Variants in BNC2 observed in about 807,000 individuals in gnomAD.
The protein encoded by BNC2 is zinc finger protein basonuclin-2.
In BNC2, 20 loss-of-function variants were observed where a neutral mutation model predicts 76.3. The observed-to-expected ratio is 0.26, with a 90% CI of 0.18 to 0.38. BNC2 has a LOEUF of 0.38. Among genes scored for constraint, BNC2 ranks in the 10% least tolerant of loss-of-function variants. BNC2 has a pLI of 1.00. For synonymous variants in BNC2, 582 were observed against 514.8 expected, an observed-to-expected ratio of 1.13 and a Z score of -1.77; for missense variants, 1,382 against 1,399.8, an observed-to-expected ratio of 0.99 and a Z score of 0.20.
intron 3 of BNC2, among the ~76,000 whole-genome samples, chr9:16,658,537 T>A (rs949648587): frequency 1.3e-5 from 2 of 152,014 alleles, no homozygotes; most frequent in African/African-American, 4.8e-5. Flanking sequence ...TTCCTTAATA[T>A]TTTTTTTCCC....
chr9:16,766,068 T>G (rs954326003), intron 1 of BNC2, among the ~76,000 whole-genome samples: 5 of 152,194 alleles, frequency 3.3e-5, no homozygotes, highest in Admixed American at 3.3e-4. Context: ...ATTACAGGCG[T>G]GAGCCACCGC....
chr9:16,665,889 T>C (rs76526929), intron 3 of BNC2, among the ~76,000 whole-genome samples: 2,716 of 152,232 alleles, frequency 0.018, 84 homozygotes, highest in African/African-American at 0.059. Flanking sequence ...CTGTAACTAA[T>C]TGAAAAAAAC....
chr9:16,585,408 C>T (rs556203968), intron 3 of BNC2, among the ~76,000 whole-genome samples: 2 of 152,190 alleles, frequency 1.3e-5, no homozygotes, highest in East Asian at 3.9e-4. Context: ...TGGAACACCT[C>T]AACTCCTTTT....
At chr9:16,645,318 C>G (rs1237909513) in intron 3 of BNC2, among the ~76,000 whole-genome samples, 2 of 152,196 alleles carry the variant, frequency 1.3e-5, no homozygotes, top group Non-Finnish European at 2.9e-5. Context: ...GTTCTTACTA[C>G]TATTCTTTAT....
intron 3 of BNC2, among the ~76,000 whole-genome samples, chr9:16,619,084 C>A (rs1252988192): frequency 6.6e-6 from 1 of 152,018 alleles, no homozygotes; most frequent in Non-Finnish European, 1.5e-5. Context: ...GCTCTCTATC[C>A]CCTGGGGACT....
At chr9:16,764,903 G>A (rs140337985) in intron 1 of BNC2, among the ~76,000 whole-genome samples, 1 of 151,538 alleles carries the variant, frequency 6.6e-6, no homozygotes, top group East Asian at 1.9e-4. Flanking sequence ...GAAAGAAGGA[G>A]GGAAGGAGGG....
At chr9:16,722,228 T>C (rs1270308566) in intron 3 of BNC2, among the ~76,000 whole-genome samples, 1 of 152,204 alleles carries the variant, frequency 6.6e-6, no homozygotes, top group Non-Finnish European at 1.5e-5. Flanking sequence ...ACTGGAGTCC[T>C]TGCAATCCTG....
intron 5 of BNC2, among the ~76,000 whole-genome samples, chr9:16,521,129 A>C (rs951535703): frequency 6.6e-6 from 1 of 152,222 alleles, no homozygotes; most frequent in African/African-American, 2.4e-5. Context: ...CTTCTTAAAG[A>C]TAAAGAATGG....
intron 5 of BNC2, among the ~76,000 whole-genome samples, chr9:16,513,643 C>G (rs7033269): frequency 5.9e-5 from 9 of 151,970 alleles, no homozygotes; most frequent in Non-Finnish European, 1.0e-4. Context: ...TCTAGTACAA[C>G]GAAACACAGA....
At chr9:16,784,779 T>G (rs1421216136) in intron 1 of BNC2, among the ~76,000 whole-genome samples, 1 of 151,800 alleles carries the variant, frequency 6.6e-6, no homozygotes, top group South Asian at 2.1e-4. Flanking sequence ...GTTAAAAGAG[T>G]GATGTGAACT....
At chr9:16,623,335 A>C (rs548620939) in intron 3 of BNC2, among the ~76,000 whole-genome samples, 84 of 152,310 alleles carry the variant, frequency 5.5e-4, no homozygotes, top group Non-Finnish European at 8.7e-4. Context: ...GACGTGTTTA[A>C]AATTCTAATA....
intron 1 of BNC2, among the ~76,000 whole-genome samples, chr9:16,773,045 G>GT (rs1400809814): frequency 6.6e-6 from 1 of 152,154 alleles, no homozygotes; most frequent in Non-Finnish European, 1.5e-5. Flanking sequence ...AGAGACTACT[G>GT]TGTCTATAGT....
chr9:16,568,871 G>A (rs988739061), intron 4 of BNC2, among the ~76,000 whole-genome samples: 1 of 152,066 alleles, frequency 6.6e-6, no homozygotes, highest in Non-Finnish European at 1.5e-5. Flanking sequence ...ACTACTTCTG[G>A]GGGAAAGAAC....
chr9:16,848,158 G>C (rs1429486867), intron 1 of BNC2, among the ~76,000 whole-genome samples: 1 of 152,070 alleles, frequency 6.6e-6, no homozygotes, highest in Non-Finnish European at 1.5e-5. Flanking sequence ...CTTTTGCTGA[G>C]AAAATTAACC....
In BNC2 at chr9:16,493,145, C is replaced by T. The variant is rs115754111; in HGVS notation, c.670-55621G>A. ...AGTCCTATTTCGAAGAAATAAAGTA[C>T]GCACGCAGAAAAAGCACTCATTATC... On this transcript the variant is annotated intron_variant, in intron 5 of 6. Coordinates refer to ENST00000380672, the MANE Select transcript of BNC2 (RefSeq NM_017637.6). 2.3e-3 allele frequency among the ~76,000 whole-genome samples: 345 copies of T among 152,196 alleles called. 3 individuals are homozygous for T. Among genetic ancestry groups the T allele is most frequent in the African/African-American group, 7.9e-3 (329 of 41,518 alleles).
At chr9:16,577,589 T>A (rs1316725795) in intron 4 of BNC2, among the ~76,000 whole-genome samples, 1 of 152,084 alleles carries the variant, frequency 6.6e-6, no homozygotes, top group African/African-American at 2.4e-5. Context: ...GTCTGCTTAC[T>A]TTACATTAAA....
intron 5 of BNC2, among the ~76,000 whole-genome samples, chr9:16,525,634 C>T (rs7031602): frequency 0.16 from 24,767 of 152,108 alleles, 4,041 homozygotes; most frequent in African/African-American, 0.42. Flanking sequence ...AATAGGCACA[C>T]AAATTACGAT....
intron 1 of BNC2, among the ~76,000 whole-genome samples, chr9:16,769,986 G>A (rs1021994536): frequency 6.6e-6 from 1 of 152,156 alleles, no homozygotes; most frequent in African/African-American, 2.4e-5. Flanking sequence ...CCTATGGGGA[G>A]GAGAAGCTGT....
At chr9:16,667,794 T>C (rs938013692) in intron 3 of BNC2, among the ~76,000 whole-genome samples, 3 of 152,086 alleles carry the variant, frequency 2.0e-5, no homozygotes, top group Non-Finnish European at 4.4e-5. Flanking sequence ...CTATGCTGGA[T>C]ACAAGGATAT....
Sources: allele counts gnomAD v4.1 joint callset (sites outside exome capture counted in the v4.1 genomes callset), GRCh38; gene constraint gnomAD v4.1.1; transcripts MANE v1.5; gene names NCBI Gene and HGNC (gene_info 2026-07-23, HGNC 2026-07-21).